LGR6: variants seen among roughly 807,000 people sequenced by gnomAD.
The protein encoded by LGR6 is leucine rich repeat containing G protein-coupled receptor 6.
LGR6 carries 45 observed loss-of-function variants against 69.4 expected under a neutral mutation model. The ratio of observed to expected loss-of-function variants is 0.65; its 90% CI spans 0.51 to 0.83. The LOEUF (loss-of-function observed/expected upper bound fraction) is 0.83. Among genes scored for constraint, LGR6 ranks in the 40% least tolerant of loss-of-function variants. The probability of loss-of-function intolerance (pLI) is 0.00; values close to 1 mark genes in which losing one functional copy is unlikely to be tolerated. For synonymous variants in LGR6, 538 were observed against 555.0 expected (o/e 0.97, Z 0.43); for missense variants, 1,108 against 1,246.7 (o/e 0.89, Z 1.68).
In LGR6 at chr1:202,194,035, C is replaced by A; in HGVS notation, c.46C>A (p.Leu16Met). ...GLRALWLCAA[L>M]CASRRAGGAP... ...CCGGGCGCTATGGCTTTGCGCCGCG[C>A]TGTGCGCTTCCCGGAGGGCCGGCGG... The change falls in exon 1 of 18, where the codon CTG becomes ATG. Residue 16 changes from leucine (L) to methionine (M), a missense_variant. Leu to Met is a conservative substitution (Grantham distance 15). Transcript: ENST00000367278. The A allele has an allele frequency of 7.2e-7, 1 of 1,388,564 alleles. No homozygotes were observed. Among genetic ancestry groups the A allele is most frequent in the Non-Finnish European group, 9.3e-7 (1 of 1,078,752 alleles). 86.0% of individuals were successfully genotyped at this position (1,388,564 alleles called of 1,614,324 possible).
chr1:202,232,445 A>G (rs1457356995), intron 3 of LGR6, among the ~76,000 whole-genome samples: 1 of 152,150 alleles, frequency 6.6e-6, no homozygotes, highest in African/African-American at 2.4e-5. Flanking sequence ...TTGCAAAACT[A>G]CTGCTGCCTC....
chr1:202,243,189 G>A (rs965683682), intron 4 of LGR6, among the ~76,000 whole-genome samples: 2 of 152,204 alleles, frequency 1.3e-5, no homozygotes, highest in African/African-American at 4.8e-5. Context: ...AGGAACCATC[G>A]TATTTCCAGG....
intron 12 of LGR6, 59 bp downstream of exon 12, chr1:202,305,808 T>C (rs705762): frequency 0.53 from 734,415 of 1,393,106 alleles, 198,279 homozygotes; most frequent in East Asian, 0.7. Flanking sequence ...GCAAGTCCTG[T>C]AGGGAGGTGT....
At chr1:202,314,651 A>G (rs1238248633) in intron 16 of LGR6, 151 bp from the exon 17 acceptor site, 1 of 629,710 alleles carries the variant, frequency 1.6e-6, no homozygotes, top group Admixed American at 2.5e-5. Flanking sequence ...CTTTACCCCC[A>G]AGGGTAGAAA....
chr1:202,195,149 A>G (rs1658590775), intron 1 of LGR6, among the ~76,000 whole-genome samples: 2 of 139,070 alleles, frequency 1.4e-5, no homozygotes, highest in African/African-American at 5.3e-5. Flanking sequence ...CAACTTCCTC[A>G]GAGGAGCTGG....
intron 4 of LGR6, among the ~76,000 whole-genome samples, chr1:202,254,887 ACT>A (rs202121210): frequency 0.03 from 4,168 of 141,282 alleles, 96 homozygotes; most frequent in East Asian, 0.088. Context: ...AATAGTTGAG[ACT>A]CTGTCTCTAC....
intron 4 of LGR6, among the ~76,000 whole-genome samples, chr1:202,273,455 T>G (rs1480026300): frequency 1.3e-5 from 2 of 151,824 alleles, no homozygotes; most frequent in East Asian, 1.9e-4. Flanking sequence ...TGACCTGTTT[T>G]TTTTTGTTTT....
intron 4 of LGR6, among the ~76,000 whole-genome samples, chr1:202,265,997 A>G (rs1461124594): frequency 6.6e-6 from 1 of 151,894 alleles, no homozygotes; most frequent in African/African-American, 2.4e-5. Flanking sequence ...CCAGCTCCTC[A>G]TCTCTCTGGT....
At chr1:202,273,676 C>T (rs922328163) in intron 4 of LGR6, among the ~76,000 whole-genome samples, 12 of 151,942 alleles carry the variant, frequency 7.9e-5, no homozygotes, top group Non-Finnish European at 1.5e-4. Flanking sequence ...AGGCTGGTCT[C>T]GAACTCCGAC....
In LGR6 at chr1:202,193,941, C is replaced by T. The variant is rs1456916961; in HGVS notation, c.-49C>T. 14 of 1,187,030 alleles carry T rather than the reference C, an allele frequency of 1.2e-5. No homozygotes were observed. Among genetic ancestry groups the T allele is most frequent in the Non-Finnish European group, 1.4e-5 (13 of 932,908 alleles). 73.5% of individuals were successfully genotyped at this position (1,187,030 alleles called of 1,614,324 possible). A position where few individuals can be genotyped will look rare whatever the true frequency, so the allele number is the denominator to read the frequency against. On this transcript the variant is annotated 5_prime_UTR_variant, in exon 1 of 18. Transcript: ENST00000367278. ...GAGGAAGCAGCTGCGGCCATCGCGCCGTGCGTCCGCGCCCGGCCGCCAGGT... is the reference window on the plus strand; with the variant it reads ...GAGGAAGCAGCTGCGGCCATCGCGCTGTGCGTCCGCGCCCGGCCGCCAGGT...
In LGR6 at chr1:202,308,899, C is replaced by G. The variant is rs111434509; in HGVS notation, c.1281-152C>G. The stretch of plus-strand genomic sequence containing the variant: ...GCAACTCTTGGCTGCCCTCCTCCCT[C>G]GGCATTCAATGCTCTCTTCTAAGCT... On this transcript the variant is annotated intron_variant, in intron 14 of 17. Coordinates refer to ENST00000367278, the MANE Select transcript of LGR6 (RefSeq NM_001017403.2). 2,718 of 883,948 alleles carry G rather than the reference C, an allele frequency of 3.1e-3. 5 individuals carry two copies. The highest frequency in any genetic ancestry group is 3.8e-3 in the Non-Finnish European group (2,249 of 590,226). The allele number at this position is 883,948 out of a possible 1,614,324, so 54.8% of individuals were successfully genotyped here.
chr1:202,316,386 G>A (rs1376495734), intron 17 of LGR6, among the ~76,000 whole-genome samples: 5 of 152,118 alleles, frequency 3.3e-5, no homozygotes, highest in Non-Finnish European at 2.9e-5. Flanking sequence ...CCATTCCCTG[G>A]ATTGATTGAG....
chr1:202,319,702 GTCTTTT>G lies in LGR6; in HGVS notation c.*500_*505del, dbSNP rs1034119528. ...AGCTTTGGAAGAGATTACACATGAT[GTCTTTT>G]TCTTAGAGATTCACAGTGCATGTTA... On this transcript the variant is annotated 3_prime_UTR_variant, in exon 18 of 18. Coordinates refer to ENST00000367278, the MANE Select transcript of LGR6 (RefSeq NM_001017403.2). 1 of 155,336 alleles carries G rather than the reference GTCTTTT, an allele frequency of 6.4e-6. No individual in the cohort carries two copies. The highest frequency in any genetic ancestry group is 2.4e-5 in the African/African-American group (1 of 41,502). The allele number at this position is 155,336 out of a possible 1,614,324, so 9.6% of individuals were successfully genotyped here.
rs186735886 is a variant in LGR6, at chr1:202,264,395, C to G, written c.429-11911C>G. ...TTCCCTAAGCCTCTGACATCACTGC[C>G]CCCTTTCTGGAGAAGCAAGTCGGGA... On this transcript the variant is annotated intron_variant, in intron 4 of 17. Coordinates refer to ENST00000367278, the MANE Select transcript of LGR6 (RefSeq NM_001017403.2). Among the ~76,000 whole-genome samples, 522 of 152,312 alleles carry G rather than the reference C, an allele frequency of 3.4e-3. 6 individuals carry two copies. In the Middle Eastern group the frequency reaches 0.044, roughly 13 times the overall value.
chr1:202,239,762 GCTT>G (rs1662011573), intron 4 of LGR6, among the ~76,000 whole-genome samples: 1 of 152,130 alleles, frequency 6.6e-6, no homozygotes, highest in Non-Finnish European at 1.5e-5. Context: ...TCACCTCTCA[GCTT>G]CTTCACTTAC....
chr1:202,274,012 C>G (rs1665334912), intron 4 of LGR6, among the ~76,000 whole-genome samples: 1 of 152,142 alleles, frequency 6.6e-6, no homozygotes, highest in South Asian at 2.1e-4. Flanking sequence ...TGGAAAGGGC[C>G]TTTCCAGGGT....
intron 1 of LGR6, among the ~76,000 whole-genome samples, chr1:202,195,589 G>A (rs1658610863): frequency 6.6e-6 from 1 of 152,206 alleles, no homozygotes; most frequent in Non-Finnish European, 1.5e-5. Context: ...ACAGAGCCTG[G>A]GCGCTCAGCA....
At chr1:202,200,964 C>T (rs1658816171) in intron 1 of LGR6, among the ~76,000 whole-genome samples, 1 of 152,214 alleles carries the variant, frequency 6.6e-6, no homozygotes, top group Admixed American at 6.5e-5. Context: ...ACCTCCAGAA[C>T]TGAAGTTTCC....
intron 7 of LGR6, among the ~76,000 whole-genome samples, chr1:202,300,073 C>T (rs1460530787): frequency 6.6e-6 from 1 of 152,186 alleles, no homozygotes; most frequent in African/African-American, 2.4e-5. Context: ...ATTTTAGGGC[C>T]TTGAGGCCAA....
Sources: allele counts gnomAD v4.1 joint callset (sites outside exome capture counted in the v4.1 genomes callset), GRCh38; gene constraint gnomAD v4.1.1; transcripts MANE v1.5; gene names NCBI Gene and HGNC (gene_info 2026-07-23, HGNC 2026-07-21).